YEATS2: variants seen among roughly 807,000 people sequenced by gnomAD.
YEATS2 encodes the protein YEATS domain-containing protein 2.
YEATS2 carries 77 observed loss-of-function variants against 163.2 expected under a neutral mutation model. The ratio of observed to expected loss-of-function variants is 0.47; its 90% CI spans 0.39 to 0.57. The LOEUF (loss-of-function observed/expected upper bound fraction) is 0.57. Among genes scored for constraint, YEATS2 ranks in the 20% least tolerant of loss-of-function variants. The pLI, the probability that YEATS2 is intolerant of heterozygous loss-of-function variation, is 0.00. For missense variants in YEATS2, 1,549 were observed against 1,729.8 expected (o/e 0.90, Z 1.85); for synonymous variants, 631 against 645.1 (o/e 0.98, Z 0.33).
intron 21 of YEATS2, 109 bp from the exon 22 acceptor site, chr3:183,797,814 A>T (rs1560328837): frequency 7.0e-7 from 1 of 1,423,124 alleles, no homozygotes; most frequent in Non-Finnish European, 9.6e-7. Context: ...CTGGAAGGTT[A>T]AATGTCCTGG....
At chr3:183,782,183 C>T (rs1004024494) in intron 19 of YEATS2, among the ~76,000 whole-genome samples, 23 of 152,024 alleles carry the variant, frequency 1.5e-4, no homozygotes, top group African/African-American at 5.3e-4. Flanking sequence ...GATCTTGGCT[C>T]ACTGCAACCT....
rs375455861 is a variant in YEATS2, at chr3:183,775,985, C to T, written c.2439C>T (p.Gly813=). 33 of 1,603,498 alleles carry T rather than the reference C, an allele frequency of 2.1e-5. No individual in the cohort carries two copies. The highest frequency in any genetic ancestry group is 3.5e-4 in the Middle Eastern group (2 of 5,690). The change falls in exon 18 of 31, where the codon GGC becomes GGT. Residue 813 remains glycine (G), a synonymous_variant. Transcript: ENST00000305135. ...GAGGAGGAGGAGGAGGAGGAGGAGGCGGCAGTGGCAGCGGTGGAGGCGGCA... is the reference window on the plus strand; with the variant it reads ...GAGGAGGAGGAGGAGGAGGAGGAGGTGGCAGTGGCAGCGGTGGAGGCGGCA... ...AGGGGGGGGG[G]GSGSGGGGST...
At chr3:183,796,148 A>ATTTTTTTTTTTTTTTTTTTTT (rs1176974770) in intron 21 of YEATS2, among the ~76,000 whole-genome samples, 1 of 96,082 alleles carries the variant, frequency 1.0e-5, no homozygotes, top group African/African-American at 4.3e-5. Flanking sequence ...ATGCCCGGCT[A>ATTTTTTTTTTTTTTTTTTTTT]TTTTTTTTTT....
intron 21 of YEATS2, chr3:183,793,073 TC>T (rs1317951856): frequency 8.6e-7 from 1 of 1,167,100 alleles, no homozygotes; most frequent in Admixed American, 2.3e-5. Context: ...CGCAGCACTA[TC>T]GAACTGTTAA....
intron 9 of YEATS2, 66 bp from the exon 10 acceptor site, chr3:183,752,003 TGGAC>T (rs1230440083): frequency 6.4e-7 from 1 of 1,550,584 alleles, no homozygotes; most frequent in Non-Finnish European, 8.8e-7. Flanking sequence ...ATTACATTCT[TGGAC>T]GGGACTTGAG....
intron 23 of YEATS2, among the ~76,000 whole-genome samples, chr3:183,799,524 G>A (rs943765975): frequency 6.6e-6 from 1 of 152,180 alleles, no homozygotes; most frequent in East Asian, 1.9e-4. Flanking sequence ...CTCATTTGGG[G>A]AGTATACTCA....
At chr3:183,778,373 T>C (rs1723225064) in intron 19 of YEATS2, among the ~76,000 whole-genome samples, 2 of 152,230 alleles carry the variant, frequency 1.3e-5, no homozygotes, top group Admixed American at 6.5e-5. Context: ...CATATTTCTT[T>C]AGAAGAAACA....
At chr3:183,781,761 G>C (rs1316905169) in intron 19 of YEATS2, among the ~76,000 whole-genome samples, 1 of 152,020 alleles carries the variant, frequency 6.6e-6, no homozygotes, top group Non-Finnish European at 1.5e-5. Flanking sequence ...AACTACCTGG[G>C]CCATGGTGGC....
intron 1 of YEATS2, among the ~76,000 whole-genome samples, chr3:183,709,062 A>T (rs1714913324): frequency 6.6e-6 from 1 of 152,048 alleles, no homozygotes; most frequent in Non-Finnish European, 1.5e-5. Context: ...CAGACAGTTG[A>T]GGCAGGAGAA....
In YEATS2 at chr3:183,728,683, TCTC is replaced by T; in HGVS notation, c.651-6_651-4del. ...AGAATTCAGGTTTCTTTTTTCTTCT[TCTC>T]TAGGTATATACCTCCGGATAAGAGG... On this transcript the variant is annotated splice_polypyrimidine_tract_variant and splice_region_variant and intron_variant, in intron 6 of 30. Coordinates refer to ENST00000305135, the MANE Select transcript of YEATS2 (RefSeq NM_018023.5). 6.4e-7 allele frequency: 1 copy of T among 1,574,780 alleles called. No homozygotes were observed. Among genetic ancestry groups the T allele is most frequent in the Non-Finnish European group, 8.6e-7 (1 of 1,166,462 alleles).
chr3:183,793,173 G>A (rs1292460232), intron 21 of YEATS2: 5 of 1,288,360 alleles, frequency 3.9e-6, no homozygotes, highest in East Asian at 1.1e-4. Context: ...GAATATCACC[G>A]AGATACACAC....
chr3:183,726,354 T>G (rs975236082), intron 6 of YEATS2, among the ~76,000 whole-genome samples: 4 of 152,186 alleles, frequency 2.6e-5, no homozygotes, highest in Non-Finnish European at 5.9e-5. Context: ...TGAGATGTTT[T>G]TAGTTTGTAA....
At chr3:183,711,025 TC>T (rs1214766441) in intron 1 of YEATS2, among the ~76,000 whole-genome samples, 1 of 152,166 alleles carries the variant, frequency 6.6e-6, no homozygotes, top group African/African-American at 2.4e-5. Flanking sequence ...GTTTTTAGAT[TC>T]CTATCTGCAT....
At chr3:183,759,057 G>A (rs772463767) in intron 13 of YEATS2, 92 bp downstream of exon 13, 71 of 837,222 alleles carry the variant, frequency 8.5e-5, no homozygotes, top group Non-Finnish European at 1.2e-4. Flanking sequence ...GGGTCTCCCC[G>A]TATTAACCAG....
At chr3:183,771,717 AATTTTTTT>A (rs1722495163) in intron 15 of YEATS2, among the ~76,000 whole-genome samples, 1 of 98,180 alleles carries the variant, frequency 1.0e-5, no homozygotes, top group Non-Finnish European at 2.0e-5. Flanking sequence ...TGTACTGGCT[AATTTTTTT>A]TTTTTTTTTT....
At chr3:183,715,119 T>C in intron 1 of YEATS2, 25 bp from the exon 2 acceptor site, 1 of 1,447,792 alleles carries the variant, frequency 6.9e-7, no homozygotes, top group African/African-American at 1.4e-5. Flanking sequence ...TAATTAAAAA[T>C]TATTAATTTA....
intron 19 of YEATS2, among the ~76,000 whole-genome samples, chr3:183,779,248 T>C (rs1053305657): frequency 6.6e-6 from 1 of 152,208 alleles, no homozygotes; most frequent in Non-Finnish European, 1.5e-5. Context: ...TGTCCTCTTT[T>C]TATTGATCAG....
At chr3:183,702,238 C>T (rs889985449) in intron 1 of YEATS2, among the ~76,000 whole-genome samples, 2 of 151,266 alleles carry the variant, frequency 1.3e-5, no homozygotes, top group Non-Finnish European at 2.9e-5. Flanking sequence ...TGAGGTCAAG[C>T]GTTCGAGACC....
chr3:183,773,482 G>T, intron 16 of YEATS2, 151 bp from the exon 17 acceptor site: 1 of 750,676 alleles, frequency 1.3e-6, no homozygotes, highest in East Asian at 2.8e-5. Flanking sequence ...AAGAATATCA[G>T]TCTTTAAAGC....
Sources: allele counts gnomAD v4.1 joint callset (sites outside exome capture counted in the v4.1 genomes callset), GRCh38; gene constraint gnomAD v4.1.1; transcripts MANE v1.5; gene names NCBI Gene and HGNC (gene_info 2026-07-23, HGNC 2026-07-21).